Variants in UBE2D3 observed in about 807,000 individuals in gnomAD.
UBE2D3 encodes ubiquitin conjugating enzyme E2 D3.
In UBE2D3, 2 loss-of-function variants were observed where a neutral mutation model predicts 22.8. The observed-to-expected ratio is 0.09, with a 90% CI of 0.04 to 0.28. UBE2D3 has a LOEUF of 0.28. UBE2D3 is among the 10% of genes least tolerant of loss of function. The probability of loss-of-function intolerance (pLI) is 1.00; values close to 1 mark genes in which losing one functional copy is unlikely to be tolerated. For synonymous variants in UBE2D3, 56 were observed against 60.4 expected, an observed-to-expected ratio of 0.93 and a Z score of 0.34; for missense variants, 27 against 182.5, an observed-to-expected ratio of 0.15 and a Z score of 4.91.
At chr4:102,865,559 T>G (rs1169619284) in intron 1 of UBE2D3, among the ~76,000 whole-genome samples, 4 of 149,642 alleles carry the variant, frequency 2.7e-5, no homozygotes, top group Admixed American at 2.0e-4. Context: ...GCAACCAATG[T>G]AACCAACAAG....
At chr4:102,826,987 G>T (rs1049666816) in intron 1 of UBE2D3, 7 of 997,944 alleles carry the variant, frequency 7.0e-6, no homozygotes, top group Admixed American at 5.9e-5. Context: ...AAAGGCAAGG[G>T]GGGAGGGGGA....
At chr4:102,848,223 C>G (rs554207188) in intron 1 of UBE2D3, among the ~76,000 whole-genome samples, 2 of 152,158 alleles carry the variant, frequency 1.3e-5, no homozygotes, top group South Asian at 4.1e-4. Context: ...AATACAACTG[C>G]AAACTGGCTG....
At chr4:102,838,268 C>T (rs1280891740) in intron 1 of UBE2D3, among the ~76,000 whole-genome samples, 4 of 152,144 alleles carry the variant, frequency 2.6e-5, no homozygotes, top group Admixed American at 6.5e-5. Context: ...TACTGTGTTC[C>T]GTGTTTTTGT....
At chr4:102,802,666 A>G (rs774389762) in intron 4 of UBE2D3, 28 bp from the exon 5 acceptor site, 10 of 1,519,848 alleles carry the variant, frequency 6.6e-6, no homozygotes, top group Admixed American at 1.9e-5. Context: ...TGCTTAACTC[A>G]AATTTAAAAT....
At chr4:102,846,276 A>G (rs755681318) in intron 1 of UBE2D3, among the ~76,000 whole-genome samples, 2 of 152,228 alleles carry the variant, frequency 1.3e-5, no homozygotes, top group Non-Finnish European at 2.9e-5. Context: ...CCTTAATGAC[A>G]TGGTGAAAAT....
chr4:102,845,573 T>G (rs918207334), intron 1 of UBE2D3, among the ~76,000 whole-genome samples: 2 of 152,144 alleles, frequency 1.3e-5, no homozygotes, highest in Non-Finnish European at 2.9e-5. Flanking sequence ...GTCTGGGAGC[T>G]AGATGAGATG....
At chr4:102,854,357 G>A (rs755079439) in intron 1 of UBE2D3, among the ~76,000 whole-genome samples, 2 of 151,986 alleles carry the variant, frequency 1.3e-5, no homozygotes, top group Non-Finnish European at 2.9e-5. Context: ...TGATACTACA[G>A]TTCAATTTTT....
intron 2 of UBE2D3, among the ~76,000 whole-genome samples, chr4:102,813,128 G>A (rs1224754039): frequency 6.6e-6 from 1 of 152,106 alleles, no homozygotes; most frequent in Non-Finnish European, 1.5e-5. Flanking sequence ...TTTAAAAAAT[G>A]AAGTTTTGAT....
At chr4:102,810,020 TG>T (rs1727698168) in intron 2 of UBE2D3, 165 bp from the exon 3 acceptor site, 1 of 639,610 alleles carries the variant, frequency 1.6e-6, no homozygotes, top group Non-Finnish European at 2.7e-6. Context: ...CCTGAACATA[TG>T]CTGAGACAAT....
At chr4:102,822,204 A>C (rs993573911) in intron 2 of UBE2D3, among the ~76,000 whole-genome samples, 1 of 152,226 alleles carries the variant, frequency 6.6e-6, no homozygotes. Flanking sequence ...TGATGAAAGA[A>C]AAGTATGCAG....
chr4:102,800,799 C>A (rs893816974), intron 6 of UBE2D3, among the ~76,000 whole-genome samples: 5 of 151,966 alleles, frequency 3.3e-5, no homozygotes, highest in African/African-American at 1.2e-4. Context: ...TTTGTACTTA[C>A]TGAACTCATA....
chr4:102,802,653 G>C lies in UBE2D3; in HGVS notation c.121-15C>G, dbSNP rs770202052. 1 of 1,571,670 alleles carries C rather than the reference G, an allele frequency of 6.4e-7. No individual in the cohort carries two copies. The highest frequency in any genetic ancestry group is 1.4e-5 in the African/African-American group (1 of 73,092). ...GGGCTGTCATTCTGTAAAAAGAAAA[G>C]TATGCTTAACTCAAATTTAAAATAT... On this transcript the variant is annotated splice_polypyrimidine_tract_variant and intron_variant, in intron 4 of 7. Transcript: ENST00000453744.
chr4:102,847,238 A>G (rs1732083865), intron 1 of UBE2D3, among the ~76,000 whole-genome samples: 1 of 151,934 alleles, frequency 6.6e-6, no homozygotes, highest in African/African-American at 2.4e-5. Flanking sequence ...AAGATAATCA[A>G]CTCCTTCAGA....
intron 1 of UBE2D3, among the ~76,000 whole-genome samples, chr4:102,853,751 C>G (rs1225569116): frequency 6.6e-6 from 1 of 152,034 alleles, no homozygotes; most frequent in African/African-American, 2.4e-5. Flanking sequence ...ACATCTGTCT[C>G]TCTCTACACA....
chr4:102,835,573 T>TA (rs113219511), intron 1 of UBE2D3, among the ~76,000 whole-genome samples: 1,813 of 152,308 alleles, frequency 0.012, 21 homozygotes, highest in African/African-American at 0.036. Context: ...AAGCCAGAGA[T>TA]ATGTGCTTTT....
intron 1 of UBE2D3, 108 bp downstream of exon 1, chr4:102,827,319 C>T: frequency 1.0e-5 from 10 of 967,842 alleles, no homozygotes; most frequent in Non-Finnish European, 1.2e-5. Context: ...CCACCGCACC[C>T]AATAGGCTGG....
At chr4:102,846,616 C>T (rs931170590) in intron 1 of UBE2D3, among the ~76,000 whole-genome samples, 1 of 151,964 alleles carries the variant, frequency 6.6e-6, no homozygotes, top group Non-Finnish European at 1.5e-5. Context: ...ACTGGAGGCA[C>T]TAATAGGTAG....
upstream of UBE2D3, among the ~76,000 whole-genome samples, chr4:102,828,398 T>C (rs537767930): frequency 6.6e-6 from 1 of 151,900 alleles, no homozygotes; most frequent in South Asian, 2.1e-4. Flanking sequence ...AATAGTAGTT[T>C]TAAATAGACC....
intron 2 of UBE2D3, chr4:102,812,848 A>C (rs1403104874): frequency 6.6e-6 from 1 of 152,212 alleles, no homozygotes; most frequent in Non-Finnish European, 1.5e-5. Context: ...AGCTTTTAAG[A>C]CACCTTAGCT....
Sources: allele counts gnomAD v4.1 joint callset (sites outside exome capture counted in the v4.1 genomes callset), GRCh38; gene constraint gnomAD v4.1.1; transcripts MANE v1.5; gene names NCBI Gene and HGNC (gene_info 2026-07-23, HGNC 2026-07-21).